TSPAN18: variants seen among roughly 807,000 people sequenced by gnomAD.
TSPAN18 encodes tetraspanin 18, also known as tetraspanin-18.
A neutral mutation model predicts 27.3 loss-of-function variants in TSPAN18; 14 were observed. The ratio of observed to expected loss-of-function variants is 0.51; its 90% CI spans 0.34 to 0.80. TSPAN18 has a LOEUF of 0.80. TSPAN18 is among the 30% of genes least tolerant of loss of function. The pLI, the probability that TSPAN18 is intolerant of heterozygous loss-of-function variation, is 0.01. For synonymous variants in TSPAN18, 143 were observed against 136.5 expected (o/e 1.05, Z -0.33); for missense variants, 268 against 323.9 (o/e 0.83, Z 1.32).
intron 2 of TSPAN18, among the ~76,000 whole-genome samples, chr11:44,822,029 T>C (rs1044307822): frequency 2.0e-5 from 3 of 151,964 alleles, no homozygotes; most frequent in African/African-American, 7.3e-5. Flanking sequence ...GAATAGAAGA[T>C]AGAGAAATGG....
rs576341145 is a variant in TSPAN18 at position 44,846,606 on chromosome 11, T to TGTGTG, written c.-152-13722_-152-13721insGTGTG. 5.3e-3 allele frequency among the ~76,000 whole-genome samples: 793 copies of TGTGTG among 150,936 alleles called. 6 individuals carry two copies. The highest frequency in any genetic ancestry group is 0.015 in the African/African-American group (633 of 41,262). On this transcript the variant is annotated intron_variant, in intron 2 of 9. Transcript: ENST00000520358. The stretch of plus-strand genomic sequence containing the variant: ...CAAGAGGCTGTCTGTGTGTGTGTGT[T>TGTGTG]TGTGTGTGTGTCTATGTGTCTATGT...
intron 3 of TSPAN18, among the ~76,000 whole-genome samples, chr11:44,875,575 G>A (rs1411139938): frequency 6.6e-6 from 1 of 152,190 alleles, no homozygotes; most frequent in Admixed American, 6.5e-5. Context: ...CATTCAGCAC[G>A]TAATTATGTG....
intron 2 of TSPAN18, among the ~76,000 whole-genome samples, chr11:44,829,791 A>G (rs1270417995): frequency 1.3e-5 from 2 of 151,958 alleles, no homozygotes; most frequent in African/African-American, 4.8e-5. Context: ...ACCATTTTGC[A>G]CTCCCCCCAG....
At chr11:44,910,703 A>G (rs1441181763) in intron 5 of TSPAN18, among the ~76,000 whole-genome samples, 1 of 152,258 alleles carries the variant, frequency 6.6e-6, no homozygotes, top group East Asian at 1.9e-4. Context: ...TCAAGTAAGT[A>G]GCCCTTGAAC....
intron 2 of TSPAN18, among the ~76,000 whole-genome samples, chr11:44,849,372 G>A (rs1470560135): frequency 6.6e-6 from 1 of 152,208 alleles, no homozygotes; most frequent in African/African-American, 2.4e-5. Context: ...AGCAAGGGAA[G>A]CAGAAGGCAG....
chr11:44,762,637 TTGTG>T (rs954762748), intron 1 of TSPAN18, among the ~76,000 whole-genome samples: 5 of 149,158 alleles, frequency 3.4e-5, no homozygotes, highest in African/African-American at 7.4e-5. Context: ...GTGTGTGTGT[TTGTG>T]TGTGTGTGTT....
chr11:44,784,936 A>G (rs1338129376), intron 2 of TSPAN18, among the ~76,000 whole-genome samples: 1 of 152,212 alleles, frequency 6.6e-6, no homozygotes, highest in East Asian at 1.9e-4. Context: ...TAAACCTAAT[A>G]ATGTGAGTGG....
chr11:44,907,860 A>G (rs1023402598), intron 4 of TSPAN18, among the ~76,000 whole-genome samples: 3 of 151,808 alleles, frequency 2.0e-5, no homozygotes, highest in African/African-American at 7.3e-5. Flanking sequence ...TTCGAGACCA[A>G]CCTGGCCAAC....
intron 2 of TSPAN18, among the ~76,000 whole-genome samples, chr11:44,811,125 A>AACACACACACACACACACACAC (rs61153202): frequency 3.5e-5 from 5 of 142,486 alleles, no homozygotes; most frequent in African/African-American, 8.2e-5. Flanking sequence ...CTGGAGTTTT[A>AACACACACACACACACACACAC]ACACACACAC....
At chr11:44,918,075 C>T in intron 6 of TSPAN18, 29 bp downstream of exon 6, 1 of 1,610,606 alleles carries the variant, frequency 6.2e-7, no homozygotes, top group East Asian at 2.2e-5. Flanking sequence ...GCTTTCCTGC[C>T]TCCTGCTATC....
chr11:44,731,317 T>C (rs190431832), intron 1 of TSPAN18, among the ~76,000 whole-genome samples: 7 of 152,288 alleles, frequency 4.6e-5, no homozygotes, highest in African/African-American at 1.4e-4. Context: ...ATTTGCCTGT[T>C]AGCTTTATCA....
intron 2 of TSPAN18, among the ~76,000 whole-genome samples, chr11:44,804,972 A>G (rs1856561008): frequency 6.6e-6 from 1 of 152,184 alleles, no homozygotes; most frequent in Admixed American, 6.5e-5. Context: ...GCAGAGAAGA[A>G]GTCAGTTTGT....
At chr11:44,756,387 A>T (rs991291085) in intron 1 of TSPAN18, among the ~76,000 whole-genome samples, 274 of 149,622 alleles carry the variant, frequency 1.8e-3, no homozygotes, top group African/African-American at 6.3e-3. Context: ...TTTTTTCCCC[A>T]TTTTTTTTTA....
intron 2 of TSPAN18, among the ~76,000 whole-genome samples, chr11:44,810,855 C>T (rs1448993212): frequency 2.0e-5 from 3 of 151,938 alleles, no homozygotes; most frequent in African/African-American, 4.8e-5. Flanking sequence ...GTGATCTGCC[C>T]GCCGTGGCCT....
chr11:44,874,286 G>A (rs926058067), intron 3 of TSPAN18, among the ~76,000 whole-genome samples: 8 of 152,292 alleles, frequency 5.3e-5, no homozygotes, highest in Admixed American at 1.3e-4. Flanking sequence ...ACCTGGGCAT[G>A]GGGAAAAGGG....
At chr11:44,895,614 A>G (rs1286829368) in intron 3 of TSPAN18, among the ~76,000 whole-genome samples, 1 of 152,174 alleles carries the variant, frequency 6.6e-6, no homozygotes, top group Non-Finnish European at 1.5e-5. Context: ...TTGGGACACC[A>G]CAAGGGGTGA....
intron 2 of TSPAN18, among the ~76,000 whole-genome samples, chr11:44,811,536 T>G (rs1341036908): frequency 6.6e-6 from 1 of 152,010 alleles, no homozygotes; most frequent in East Asian, 1.9e-4. Flanking sequence ...CTCGGCTCAC[T>G]GCAAACTCCA....
chr11:44,815,203 TG>T (rs1458283138), intron 2 of TSPAN18, among the ~76,000 whole-genome samples: 1 of 152,226 alleles, frequency 6.6e-6, no homozygotes, highest in Non-Finnish European at 1.5e-5. Context: ...CAGGCCCCAC[TG>T]GGACCTGCCT....
At chr11:44,799,000 C>T (rs1856414238) in intron 2 of TSPAN18, among the ~76,000 whole-genome samples, 1 of 142,724 alleles carries the variant, frequency 7.0e-6, no homozygotes, top group Admixed American at 7.1e-5. Context: ...GCCTTTGTGA[C>T]TTTTTGTGTC....
Sources: gnomAD v4.1 joint callset for allele counts (sites outside exome capture counted in the v4.1 genomes callset) on GRCh38, gnomAD v4.1.1 for gene constraint, MANE v1.5 for transcripts, NCBI Gene and HGNC (gene_info 2026-07-23, HGNC 2026-07-21) for gene names.